The following SPOCK1 variants were observed in gnomAD, a reference collection of about 807,000 sequenced individuals.
SPOCK1 encodes the protein SPARC (osteonectin), cwcv and kazal like domains proteoglycan 1.
In SPOCK1, 23 loss-of-function variants were observed where a neutral mutation model predicts 55.3. That is an observed-to-expected ratio of 0.42 (90% CI 0.30 to 0.59). The LOEUF is 0.59. Ranked by LOEUF, SPOCK1 falls within the 20% of genes least tolerant of loss-of-function variation. The probability of loss-of-function intolerance (pLI) is 0.22; values close to 1 mark genes in which losing one functional copy is unlikely to be tolerated. For missense variants in SPOCK1, 499 were observed against 552.5 expected, an observed-to-expected ratio of 0.90 and a Z score of 0.97; for synonymous variants, 226 against 221.0, an observed-to-expected ratio of 1.02 and a Z score of -0.20.
At chr5:137,485,473 T>C (rs1442429904) in intron 2 of SPOCK1, among the ~76,000 whole-genome samples, 1 of 152,216 alleles carries the variant, frequency 6.6e-6, no homozygotes, top group Non-Finnish European at 1.5e-5. Flanking sequence ...GAAAGAGTAA[T>C]TGGCACAACC....
chr5:137,260,110 A>G (rs1303624462), intron 3 of SPOCK1, among the ~76,000 whole-genome samples: 1 of 152,182 alleles, frequency 6.6e-6, no homozygotes, highest in Non-Finnish European at 1.5e-5. Flanking sequence ...TTTATTTCAG[A>G]GATGGGTGAA....
At chr5:137,416,739 T>G (rs903581811) in intron 2 of SPOCK1, among the ~76,000 whole-genome samples, 2 of 152,146 alleles carry the variant, frequency 1.3e-5, no homozygotes, top group African/African-American at 2.4e-5. Flanking sequence ...CAACAATCAG[T>G]GAGAGTTCCA....
chr5:137,034,798 C>T (rs972744673), intron 6 of SPOCK1, among the ~76,000 whole-genome samples: 16 of 152,158 alleles, frequency 1.1e-4, no homozygotes, highest in African/African-American at 3.9e-4. Flanking sequence ...TGAGAAAGGG[C>T]ACTAGGATGT....
At chr5:137,416,185 T>C (rs1293838341) in intron 2 of SPOCK1, among the ~76,000 whole-genome samples, 2 of 151,246 alleles carry the variant, frequency 1.3e-5, no homozygotes, top group Non-Finnish European at 3.0e-5. Flanking sequence ...AAAAAAACTG[T>C]CAACATAAAA....
At chr5:137,370,162 T>G (rs1221637607) in intron 2 of SPOCK1, among the ~76,000 whole-genome samples, 1 of 152,176 alleles carries the variant, frequency 6.6e-6, no homozygotes, top group Non-Finnish European at 1.5e-5. Flanking sequence ...ACCAACCGAT[T>G]CTGCACCCTT....
intron 5 of SPOCK1, among the ~76,000 whole-genome samples, chr5:137,068,863 T>C (rs1174405286): frequency 6.6e-6 from 1 of 152,156 alleles, no homozygotes; most frequent in East Asian, 1.9e-4. Context: ...TGTCTGTAAA[T>C]TTCTCAAGAT....
rs549934037 is a variant in SPOCK1 at position 137,489,667 on chromosome 5, C to T, written c.186+8706G>A. ...CTCACTTTTTGCAGTTGACTCATTC[C>T]CCTGCCCCCAAATGTGTGTTAAGTT... On this transcript the variant is annotated intron_variant, in intron 2 of 10. Transcript: ENST00000394945. Among the ~76,000 whole-genome samples, 3 of 152,312 alleles carry T rather than the reference C, an allele frequency of 2.0e-5. No individual in the cohort carries two copies. The South Asian group carries it at 6.2e-4, about 32-fold the overall frequency.
chr5:137,256,675 C>T (rs1431412716), intron 3 of SPOCK1, among the ~76,000 whole-genome samples: 1 of 152,152 alleles, frequency 6.6e-6, no homozygotes, highest in East Asian at 1.9e-4. Flanking sequence ...CTGCAGGCTC[C>T]TGTGGTCTCT....
intron 6 of SPOCK1, chr5:136,992,870 C>G: frequency 3.0e-6 from 1 of 329,734 alleles, no homozygotes; most frequent in Non-Finnish European, 5.5e-6. Flanking sequence ...GTGGTCTCAC[C>G]GTTGTGTAGC....
At chr5:137,009,155 A>G (rs1306937247) in intron 6 of SPOCK1, among the ~76,000 whole-genome samples, 1 of 152,212 alleles carries the variant, frequency 6.6e-6, no homozygotes, top group Non-Finnish European at 1.5e-5. Flanking sequence ...GATTTTTACA[A>G]GAAATATAAC....
chr5:137,469,290 A>G (rs1753684205), intron 2 of SPOCK1, among the ~76,000 whole-genome samples: 1 of 152,198 alleles, frequency 6.6e-6, no homozygotes, highest in African/African-American at 2.4e-5. Flanking sequence ...GGAAACACGA[A>G]TATGTAGTCA....
At chr5:137,211,502 A>G (rs1303714046) in intron 3 of SPOCK1, among the ~76,000 whole-genome samples, 5 of 152,290 alleles carry the variant, frequency 3.3e-5, no homozygotes, top group South Asian at 4.1e-4. Context: ...TTGTTCTACT[A>G]TTTGGTCTTT....
At chr5:137,423,035 T>C (rs1458274294) in intron 2 of SPOCK1, among the ~76,000 whole-genome samples, 1 of 152,180 alleles carries the variant, frequency 6.6e-6, no homozygotes, top group Non-Finnish European at 1.5e-5. Context: ...TCTGTTGGAG[T>C]TTGCTGGAGG....
At chr5:137,381,984 G>A (rs1751481189) in intron 2 of SPOCK1, among the ~76,000 whole-genome samples, 1 of 152,146 alleles carries the variant, frequency 6.6e-6, no homozygotes, top group Non-Finnish European at 1.5e-5. Flanking sequence ...ATTAGTTCCA[G>A]TTTCAGATAA....
intron 2 of SPOCK1, among the ~76,000 whole-genome samples, chr5:137,310,118 G>A (rs2916650): frequency 0.53 from 80,039 of 151,994 alleles, 22,632 homozygotes; most frequent in Admixed American, 0.64. Context: ...GTGTGTCTCA[G>A]CCAAGTTACT....
intron 6 of SPOCK1, among the ~76,000 whole-genome samples, chr5:137,064,059 G>A (rs12657427): frequency 0.044 from 6,742 of 152,140 alleles, 423 homozygotes; most frequent in African/African-American, 0.14. Context: ...AGGATTCACC[G>A]TGACCTTAGT....
At chr5:137,084,690 C>T (rs1284049798) in intron 5 of SPOCK1, among the ~76,000 whole-genome samples, 5 of 151,912 alleles carry the variant, frequency 3.3e-5, no homozygotes, top group East Asian at 1.9e-4. Flanking sequence ...TAAACCACAG[C>T]GCCTTACCAA....
At chr5:137,412,649 G>C (rs1194087199) in intron 2 of SPOCK1, among the ~76,000 whole-genome samples, 1 of 152,182 alleles carries the variant, frequency 6.6e-6, no homozygotes, top group Non-Finnish European at 1.5e-5. Flanking sequence ...AAAGAGAACA[G>C]TATTGACTCC....
At chr5:137,178,386 C>A (rs962550230) in intron 3 of SPOCK1, among the ~76,000 whole-genome samples, 3 of 152,186 alleles carry the variant, frequency 2.0e-5, no homozygotes, top group African/African-American at 7.2e-5. Context: ...ACCTTCTTAG[C>A]GGGCAAAAAG....
Sources: gnomAD v4.1 joint callset for allele counts (sites outside exome capture counted in the v4.1 genomes callset) on GRCh38, gnomAD v4.1.1 for gene constraint, MANE v1.5 for transcripts, NCBI Gene and HGNC (gene_info 2026-07-23, HGNC 2026-07-21) for gene names.